ENPP1: variants seen among roughly 807,000 people sequenced by gnomAD.
The protein encoded by ENPP1 is ectonucleotide pyrophosphatase/phosphodiesterase 1.
ENPP1 carries 73 observed loss-of-function variants against 122.8 expected under a neutral mutation model. The ratio of observed to expected loss-of-function variants is 0.59; its 90% confidence interval spans 0.49 to 0.72. The LOEUF (loss-of-function observed/expected upper bound fraction) is 0.72. Among genes scored for constraint, ENPP1 ranks in the 30% least tolerant of loss-of-function variants. The pLI is 0.00. For synonymous variants in ENPP1, 367 were observed against 391.6 expected, an observed-to-expected ratio of 0.94 and a Z score of 0.74; for missense variants, 978 against 1,128.1, an observed-to-expected ratio of 0.87 and a Z score of 1.91.
At chr6:131,869,824 C>G (rs1782138126) in intron 13 of ENPP1, among the ~76,000 whole-genome samples, 2 of 146,102 alleles carry the variant, frequency 1.4e-5, no homozygotes, top group Admixed American at 6.9e-5. Context: ...CCACTGTACT[C>G]CAGCCTGGGC....
chr6:131,838,698 G>C (rs1781705718), intron 1 of ENPP1, among the ~76,000 whole-genome samples: 1 of 151,248 alleles, frequency 6.6e-6, no homozygotes, highest in Non-Finnish European at 1.5e-5. Flanking sequence ...CAAAAGAAAA[G>C]ATAAGATTAC....
chr6:131,880,423 G>T (rs564533075), intron 20 of ENPP1, among the ~76,000 whole-genome samples: 60 of 152,014 alleles, frequency 3.9e-4, no homozygotes, highest in South Asian at 3.7e-3. Flanking sequence ...AATTAGCCGG[G>T]CGTGGTGGCG....
intron 1 of ENPP1, chr6:131,826,326 G>A (rs1781545672): frequency 7.3e-7 from 1 of 1,374,806 alleles, no homozygotes; most frequent in Non-Finnish European, 1.0e-6. Context: ...AGGTCAAGTG[G>A]TTATAGCTTA....
rs116714616 is a variant in ENPP1, at chr6:131,822,743, A to C, written c.240+14468A>C. On this transcript the variant is annotated intron_variant, in intron 1 of 24. Transcript: ENST00000647893. ...TTTATTTTAGTATCCTCAATTCAGTAGGTAATCTTTGAAACTATTTCTATG... is the reference window on the plus strand; with the variant it reads ...TTTATTTTAGTATCCTCAATTCAGTCGGTAATCTTTGAAACTATTTCTATG... 9.4e-3 allele frequency among the ~76,000 whole-genome samples: 1,436 copies of C among 152,296 alleles called. 25 individuals are homozygous for C. Among genetic ancestry groups the C allele is most frequent in the African/African-American group, 0.032 (1,313 of 41,562 alleles).
intron 1 of ENPP1, among the ~76,000 whole-genome samples, chr6:131,841,077 A>T (rs960273211): frequency 6.6e-6 from 1 of 152,244 alleles, no homozygotes; most frequent in Non-Finnish European, 1.5e-5. Context: ...TACTGAGTGC[A>T]TAAGAGACCA....
At chr6:131,810,609 T>G (rs894214330) in intron 1 of ENPP1, among the ~76,000 whole-genome samples, 14 of 152,192 alleles carry the variant, frequency 9.2e-5, no homozygotes, top group African/African-American at 3.1e-4. Context: ...AGCACACTTT[T>G]CATAAAGCTG....
At chr6:131,874,829 T>G (rs557157781) in intron 16 of ENPP1, among the ~76,000 whole-genome samples, 100 of 127,552 alleles carry the variant, frequency 7.8e-4, no homozygotes, top group Non-Finnish European at 8.6e-4. Flanking sequence ...ATGTGTGAGA[T>G]ATATATATAT....
chr6:131,864,572 G>C lies in ENPP1; in HGVS notation c.1091+1G>C. On this transcript the variant is annotated splice_donor_variant, in intron 10 of 24. Transcript: ENST00000647893. LOFTEE classifies it high-confidence loss of function. The stretch of plus-strand genomic sequence containing the variant: ...GGCTACAGCTTCCTAAAGATGAAAG[G>C]TCTGTAGGCAATTAATTTCTATTGT... The C allele has an allele frequency of 6.3e-7, 1 of 1,589,818 alleles. No individual in the cohort carries two copies. The highest frequency in any genetic ancestry group is 8.6e-7 in the Non-Finnish European group (1 of 1,158,632).
At chr6:131,872,437 T>A (rs1231784824) in intron 14 of ENPP1, among the ~76,000 whole-genome samples, 1 of 152,212 alleles carries the variant, frequency 6.6e-6, no homozygotes, top group Non-Finnish European at 1.5e-5. Context: ...ATATATTTCC[T>A]TCCAGTCTTT....
chr6:131,843,859 C>T (rs1781771901), intron 1 of ENPP1, among the ~76,000 whole-genome samples: 1 of 152,070 alleles, frequency 6.6e-6, no homozygotes, highest in South Asian at 2.1e-4. Context: ...CCTCTCTATT[C>T]CTTCCACACT....
In ENPP1 at chr6:131,883,586, A is replaced by C. The variant is rs977566081; in HGVS notation, c.2231-108A>C. On this transcript the variant is annotated intron_variant, in intron 21 of 24. Transcript: ENST00000647893. The stretch of plus-strand genomic sequence containing the variant: ...GTACTTGGGAAAGTTTTACAGGTTT[A>C]AGATGGTACTCAGCTAATTTTTAAA... The C allele has an allele frequency of 7.0e-5, 47 of 676,192 alleles. 1 individual carries two copies. The highest frequency in any genetic ancestry group is 1.1e-4 in the Non-Finnish European group (39 of 367,398). 41.9% of individuals were successfully genotyped at this position (676,192 alleles called of 1,614,324 possible).
At chr6:131,853,393 T>C (rs765351081) in intron 5 of ENPP1, among the ~76,000 whole-genome samples, 5 of 152,214 alleles carry the variant, frequency 3.3e-5, no homozygotes, top group Admixed American at 6.5e-5. Context: ...TCAGTTGTAA[T>C]ATTGAATCTT....
In ENPP1 at chr6:131,808,155, C is replaced by T. The variant is rs553929139; in HGVS notation, c.120C>T (p.Pro40=). 4.1e-5 allele frequency: 59 copies of T among 1,448,786 alleles called. No homozygotes were observed. The African/African-American group carries it at 6.9e-4, about 17-fold the overall frequency. The allele number at this position is 1,448,786 out of a possible 1,614,324, so 89.7% of individuals were successfully genotyped here. Residue 40 remains proline, a synonymous_variant, in exon 1 of 25, where the codon CCC becomes CCT. Transcript: ENST00000647893. The part of the protein sequence containing the change: ...DRGRSHAAEA[P]GDPQAAASLL... Reference sequence around the variant, plus strand: ...GCCGCAGCCACGCTGCCGAGGCGCCCGGGGACCCGCAGGCGGCCGCGTCCT... The same window carrying T: ...GCCGCAGCCACGCTGCCGAGGCGCCTGGGGACCCGCAGGCGGCCGCGTCCT...
rs1480271971 is a variant in ENPP1, at chr6:131,869,490, G to A, written c.1405+1G>A. On this transcript the variant is annotated splice_donor_variant, in intron 13 of 24. Coordinates refer to ENST00000647893, the MANE Select transcript of ENPP1 (RefSeq NM_006208.3). LOFTEE classifies it high-confidence loss of function. ...GATGTCCCAGATAAATACTATTCAT[G>A]TAAGTATATCTCTGTGATAACTTTG... 1 of 1,612,930 alleles carries A rather than the reference G, an allele frequency of 6.2e-7. No homozygotes were observed. Among genetic ancestry groups the A allele is most frequent in the Non-Finnish European group, 8.5e-7 (1 of 1,179,182 alleles).
intron 22 of ENPP1, 113 bp downstream of exon 22, chr6:131,883,887 A>G (rs1782344209): frequency 1.5e-6 from 1 of 656,526 alleles, no homozygotes; most frequent in Admixed American, 2.3e-5. Flanking sequence ...TACCAAATAC[A>G]TTCTTAAAGG....
rs552259109 is a variant in ENPP1, at chr6:131,857,094, T to A, written c.716-1574T>A. 2.0e-5 allele frequency among the ~76,000 whole-genome samples: 3 copies of A among 152,110 alleles called. No homozygotes were observed. In the East Asian group the frequency reaches 5.8e-4, roughly 30 times the overall value. Reference sequence around the variant, plus strand: ...ATTACCTTGGGCAAATCAAAACCACTATGAGATACCATCTCACACCAGTTA... The same window carrying A: ...ATTACCTTGGGCAAATCAAAACCACAATGAGATACCATCTCACACCAGTTA... On this transcript the variant is annotated intron_variant, in intron 6 of 24. Coordinates refer to ENST00000647893, the MANE Select transcript of ENPP1 (RefSeq NM_006208.3).
chr6:131,882,298 T>A (rs750833398), intron 20 of ENPP1, 47 bp from the exon 21 acceptor site: 1 of 1,554,728 alleles, frequency 6.4e-7, no homozygotes, highest in Non-Finnish European at 8.8e-7. Context: ...AGCAATTTTC[T>A]TCTCTGTGCC....
chr6:131,808,423 GC>G (rs1366757577), intron 1 of ENPP1, 148 bp downstream of exon 1: 44 of 1,097,182 alleles, frequency 4.0e-5, no homozygotes, highest in Non-Finnish European at 5.1e-5. Flanking sequence ...GCTCTCCTCC[GC>G]AGCCTTTGCA....
At chr6:131,827,035 G>T in intron 1 of ENPP1, 1 of 558,530 alleles carries the variant, frequency 1.8e-6, no homozygotes, top group South Asian at 1.7e-5. Flanking sequence ...AGGTTGACCA[G>T]CTGTGAGACG....
Sources: allele counts gnomAD v4.1 joint callset (sites outside exome capture counted in the v4.1 genomes callset), GRCh38; gene constraint gnomAD v4.1.1; transcripts MANE v1.5; gene names NCBI Gene and HGNC (gene_info 2026-07-23, HGNC 2026-07-21).